Variants in TRIM52 observed in about 807,000 individuals in gnomAD.
TRIM52 encodes tripartite motif containing 52, also known as E3 ubiquitin-protein ligase TRIM52.
A neutral mutation model predicts 27.0 loss-of-function variants in TRIM52; 24 were observed. The ratio of observed to expected loss-of-function variants is 0.89; its 90% CI spans 0.64 to 1.25. The LOEUF is 1.25. Ranked by LOEUF, TRIM52 falls within the 50% of genes most tolerant of loss-of-function variation. TRIM52 has a pLI of 0.00. For missense variants in TRIM52, 351 were observed against 354.7 expected, an observed-to-expected ratio of 0.99 and a Z score of 0.08; for synonymous variants, 125 against 126.5, an observed-to-expected ratio of 0.99 and a Z score of 0.08.
chr5:181,249,827 G>GTTTTTTTTTTTTTTTTTT (rs1237894738), downstream of TRIM52, among the ~76,000 whole-genome samples: 7 of 128,470 alleles, frequency 5.4e-5, no homozygotes, highest in African/African-American at 2.1e-4. Context: ...ATCACTTGCA[G>GTTTTTTTTTTTTTTTTTT]TTTTTTTTTT....
At chr5:181,259,658 C>T in intron 1 of TRIM52, 1 of 377,360 alleles carries the variant, frequency 2.6e-6, no homozygotes, top group Non-Finnish European at 5.0e-6. Flanking sequence ...GGGAATTGGT[C>T]AAGGACTCAC....
chr5:181,254,795 C>T (rs1759715826), downstream of TRIM52: 1 of 152,310 alleles, frequency 6.6e-6, no homozygotes, highest in South Asian at 2.1e-4. Context: ...AGTGGGCTCC[C>T]TAAAGCTGAA....
chr5:181,258,012 TAAATAA>T (rs1759857205), intron 1 of TRIM52: 1 of 150,032 alleles, frequency 6.7e-6, no homozygotes, highest in Admixed American at 6.6e-5. Flanking sequence ...AATAAATAAA[TAAATAA>T]AAATAAAAAA....
At chr5:181,253,882 C>T (rs1396623627), downstream of TRIM52, among the ~76,000 whole-genome samples, 1 of 142,900 alleles carries the variant, frequency 7.0e-6, no homozygotes, top group Non-Finnish European at 1.5e-5. Context: ...AGAAGGCTGA[C>T]GTGGGAGCAT....
chr5:181,250,381 C>A (rs571770038), downstream of TRIM52, among the ~76,000 whole-genome samples: 6 of 152,124 alleles, frequency 3.9e-5, no homozygotes, highest in South Asian at 1.0e-3. Context: ...CCTAAAAATA[C>A]AAAAATTAGC....
chr5:181,260,364 T>G lies in TRIM52; in HGVS notation c.450A>C (p.Glu150Asp). ...RPDLRIDVYREEEILEAYDED... is the reference protein window; with the variant it reads ...RPDLRIDVYRDEEILEAYDED... ...CATCGTATGCTTCCAGTATTTCTTC[T>G]TCTCGGTAGACATCAATTCTCAGGT... Residue 150 changes from glutamate (E) to aspartate (D), a missense_variant, in exon 1 of 2, where the codon GAA (glutamate) becomes GAC (aspartate). Transcript: ENST00000688015. This position sits in a 1 kb window ranked among gnomAD's most constrained non-coding sequence, Gnocchi z 4.4. The G allele has an allele frequency of 6.2e-7, 1 of 1,614,112 alleles. No individual in the cohort carries two copies. Among genetic ancestry groups the G allele is most frequent in the Non-Finnish European group, 8.5e-7 (1 of 1,180,014 alleles).
chr5:181,257,271 CTCT>C (rs1457227273), intron 1 of TRIM52: 7 of 1,294,648 alleles, frequency 5.4e-6, no homozygotes, highest in South Asian at 2.6e-5. Flanking sequence ...GCCAAAAAGC[CTCT>C]TCTTACAGAA....
downstream of TRIM52, among the ~76,000 whole-genome samples, chr5:181,253,263 G>A (rs1356935894): frequency 7.1e-6 from 1 of 141,662 alleles, no homozygotes; most frequent in Non-Finnish European, 1.5e-5. Flanking sequence ...TGGAACTCCC[G>A]ACCTCAGGTG....
downstream of TRIM52, among the ~76,000 whole-genome samples, chr5:181,252,081 C>T (rs1475735485): frequency 6.6e-6 from 1 of 152,158 alleles, no homozygotes; most frequent in Non-Finnish European, 1.5e-5. Context: ...TGTCTCGTCA[C>T]CCGTGTGATC....
chr5:181,251,137 T>TA (rs895735085), downstream of TRIM52, among the ~76,000 whole-genome samples: 2 of 151,678 alleles, frequency 1.3e-5, no homozygotes, highest in African/African-American at 4.8e-5. Context: ...TTTTTAAATA[T>TA]AAAAAAATTA....
At chr5:181,251,260 C>T (rs1759627404), downstream of TRIM52, among the ~76,000 whole-genome samples, 1 of 150,594 alleles carries the variant, frequency 6.6e-6, no homozygotes. Context: ...TGTCACTGCA[C>T]TCCAGAGCCT....
downstream of TRIM52, among the ~76,000 whole-genome samples, chr5:181,251,274 C>T (rs1409279782): frequency 7.0e-6 from 1 of 143,454 alleles, no homozygotes; most frequent in African/African-American, 2.8e-5. Flanking sequence ...AGAGCCTGGG[C>T]GACAAGGGCA....
At chr5:181,259,771 T>G in intron 1 of TRIM52, 2 of 840,406 alleles carry the variant, frequency 2.4e-6, no homozygotes, top group Middle Eastern at 3.7e-4. Context: ...GACCGTCATA[T>G]TATCTGTTCA....
At chr5:181,259,012 CCTT>C (rs1283106538) in intron 1 of TRIM52, 2 of 152,194 alleles carry the variant, frequency 1.3e-5, no homozygotes, top group Non-Finnish European at 2.9e-5. Context: ...GACAACCTCT[CCTT>C]CGTTTGGGCA....
Position 181,255,907 on chromosome 5 carries a change from C to T in TRIM52, c.*902G>A, listed in dbSNP as rs1429792454. The T allele has an allele frequency of 2.0e-5, 3 of 152,138 alleles. No individual in the cohort carries two copies. Among genetic ancestry groups the T allele is most frequent in the Non-Finnish European group, 4.4e-5 (3 of 68,034 alleles). 9.4% of individuals were successfully genotyped at this position (152,138 alleles called of 1,614,324 possible). ...TTCTGTCCACAAGTTCAGCAGAATC[C>T]GTTTTTCTTTGGCAACCAAGAAACT... On this transcript the variant is annotated 3_prime_UTR_variant, in exon 2 of 2. Transcript: ENST00000688015.
Position 181,260,550 on chromosome 5 carries a change from C to G in TRIM52, c.264G>C (p.Arg88=), listed in dbSNP as rs1760012247. The G allele has an allele frequency of 1.2e-6, 2 of 1,613,894 alleles. No individual in the cohort carries two copies. Among genetic ancestry groups the G allele is most frequent in the Non-Finnish European group, 1.7e-6 (2 of 1,180,016 alleles). Residue 88 remains arginine (R), a synonymous_variant, in exon 1 of 2, where the codon CGG becomes CGC. Coordinates refer to ENST00000688015, the MANE Select transcript of TRIM52 (RefSeq NM_001346048.2). This position sits in a 1 kb window ranked among gnomAD's most constrained non-coding sequence, Gnocchi z 4.4. ...WDGSIREVLY[R]GNADEELFQD... The stretch of plus-strand genomic sequence containing the variant: ...GGAACAACTCTTCGTCAGCATTCCC[C>G]CGATACAACACCTCTCGAATGGAGC...
downstream of TRIM52, among the ~76,000 whole-genome samples, chr5:181,252,522 T>C (rs564808898): frequency 2.0e-5 from 3 of 152,340 alleles, no homozygotes; most frequent in South Asian, 6.2e-4. Context: ...ACTAGCGTCT[T>C]TAGCTTCCTT....
chr5:181,250,007 A>G (rs1197184643), downstream of TRIM52, among the ~76,000 whole-genome samples: 4 of 151,726 alleles, frequency 2.6e-5, no homozygotes, highest in Admixed American at 1.3e-4. Flanking sequence ...TGGTAGAGAC[A>G]GGGTGTCACC....
chr5:181,260,992 G>A lies in TRIM52; in HGVS notation c.-179C>T, dbSNP rs1030279670. 55 of 846,696 alleles carry A rather than the reference G, an allele frequency of 6.5e-5. No homozygotes were observed. The highest frequency in any genetic ancestry group is 9.3e-5 in the Non-Finnish European group (53 of 567,716). 52.4% of individuals were successfully genotyped at this position (846,696 alleles called of 1,614,324 possible). A position where few individuals can be genotyped will look rare whatever the true frequency, so the allele number is the denominator to read the frequency against. On this transcript the variant is annotated 5_prime_UTR_variant, in exon 1 of 2. Coordinates refer to ENST00000688015, the MANE Select transcript of TRIM52 (RefSeq NM_001346048.2). The surrounding 1 kb of genome is among the most constrained non-coding windows in gnomAD (Gnocchi z 4.4). ...CTCAGGGTGCGAACGCCCAGATCCAGACTCACAGCCTCTCTCTGGGATCGG... is the reference window on the plus strand; with the variant it reads ...CTCAGGGTGCGAACGCCCAGATCCAAACTCACAGCCTCTCTCTGGGATCGG...
Sources: gnomAD v4.1 joint callset for allele counts (sites outside exome capture counted in the v4.1 genomes callset) on GRCh38, gnomAD v4.1.1 for gene constraint, Gnocchi (gnomAD v3.1) non-coding constraint, MANE v1.5 for transcripts, NCBI Gene and HGNC (gene_info 2026-07-23, HGNC 2026-07-21) for gene names.